ULK4: variants seen among roughly 807,000 people sequenced by gnomAD.
ULK4 encodes the protein inactive serine/threonine-protein kinase ULK4.
A neutral mutation model predicts 160.6 loss-of-function variants in ULK4; 133 were observed. The ratio of observed to expected loss-of-function variants is 0.83; its 90% CI spans 0.72 to 0.96. ULK4 has a LOEUF of 0.96. Ranked by LOEUF, ULK4 falls within the 40% of genes least tolerant of loss-of-function variation. The pLI, the probability that ULK4 is intolerant of heterozygous loss-of-function variation, is 0.00. For missense variants in ULK4, 1,580 were observed against 1,499.5 expected (o/e 1.05, Z -0.89); for synonymous variants, 534 against 539.8 (o/e 0.99, Z 0.15).
In ULK4 at chr3:41,686,980, G is replaced by C. The variant is rs536195999; in HGVS notation, c.2782-5176C>G. On this transcript the variant is annotated intron_variant, in intron 27 of 36. Coordinates refer to ENST00000301831, the MANE Select transcript of ULK4 (RefSeq NM_017886.4). Reference sequence around the variant, plus strand: ...TGCCTATAATCCCAGCACTTTGGGAGTGTGAGGTGGGAGGATAGCTTGAGC... The same window carrying C: ...TGCCTATAATCCCAGCACTTTGGGACTGTGAGGTGGGAGGATAGCTTGAGC... Among the ~76,000 whole-genome samples the C allele has an allele frequency of 4.6e-5, 7 of 152,290 alleles. No individual in the cohort carries two copies. The South Asian group carries it at 6.2e-4, about 14-fold the overall frequency.
chr3:41,545,671 A>T (rs149753705), intron 32 of ULK4, among the ~76,000 whole-genome samples: 1 of 152,268 alleles, frequency 6.6e-6, no homozygotes, highest in East Asian at 1.9e-4. Flanking sequence ...AATATGCTTT[A>T]CCAAATTTGT....
intron 22 of ULK4, among the ~76,000 whole-genome samples, chr3:41,720,209 A>G (rs745699621): frequency 6.6e-6 from 1 of 152,188 alleles, no homozygotes; most frequent in Non-Finnish European, 1.5e-5. Context: ...GATTCTTCTC[A>G]CCACACCCTT....
chr3:41,859,076 C>A (rs1190097375), intron 17 of ULK4, among the ~76,000 whole-genome samples: 1 of 152,136 alleles, frequency 6.6e-6, no homozygotes, highest in African/African-American at 2.4e-5. Flanking sequence ...CAGAAGAAGA[C>A]AATCTTCTAT....
At chr3:41,687,478 T>C (rs1316014116) in intron 27 of ULK4, among the ~76,000 whole-genome samples, 1 of 152,248 alleles carries the variant, frequency 6.6e-6, no homozygotes, top group Non-Finnish European at 1.5e-5. Context: ...GCTTCCAAGA[T>C]ACAAAGATCT....
intron 32 of ULK4, among the ~76,000 whole-genome samples, chr3:41,522,785 G>C (rs1436384455): frequency 6.6e-6 from 1 of 152,190 alleles, no homozygotes; most frequent in African/African-American, 2.4e-5. Context: ...GATTTTCATT[G>C]TGTTCCAAAG....
chr3:41,911,441 G>A, intron 10 of ULK4, 55 bp from the exon 11 acceptor site: 1 of 1,596,274 alleles, frequency 6.3e-7, no homozygotes, highest in Non-Finnish European at 8.6e-7. Flanking sequence ...TCATATGCAA[G>A]GCATAACGTA....
At position 41,677,776 on chromosome 3, in the gene ULK4, C is replaced by T. The variant is rs1341439447; in HGVS notation, c.2978+3732G>A. On this transcript the variant is annotated intron_variant, in intron 29 of 36. Transcript: ENST00000301831. The stretch of plus-strand genomic sequence containing the variant: ...ATGGTTAACTTTATTTATCAAGTTA[C>T]TCAATAAGTAGGGTACCCAGGCATT... 2.0e-5 allele frequency among the ~76,000 whole-genome samples: 3 copies of T among 152,170 alleles called. No homozygotes were observed. In the South Asian group the frequency reaches 6.2e-4, roughly 32 times the overall value.
intron 2 of ULK4, among the ~76,000 whole-genome samples, chr3:41,951,568 T>C (rs1700297492): frequency 6.6e-6 from 1 of 152,168 alleles, no homozygotes; most frequent in Admixed American, 6.5e-5. Flanking sequence ...TGACTTCCAA[T>C]AAGTATTCCA....
chr3:41,473,336 G>T (rs183841260), intron 32 of ULK4, among the ~76,000 whole-genome samples: 1 of 151,964 alleles, frequency 6.6e-6, no homozygotes, highest in Non-Finnish European at 1.5e-5. Context: ...TGTGGAAAAC[G>T]CTAAAGATTC....
At chr3:41,558,805 A>C (rs2087418248) in intron 32 of ULK4, among the ~76,000 whole-genome samples, 2 of 151,964 alleles carry the variant, frequency 1.3e-5, no homozygotes, top group African/African-American at 4.8e-5. Flanking sequence ...AATTTTATTC[A>C]GTGACAGATT....
At chr3:41,322,759 AT>A (rs1408535520) in intron 35 of ULK4, among the ~76,000 whole-genome samples, 1 of 152,212 alleles carries the variant, frequency 6.6e-6, no homozygotes, top group Non-Finnish European at 1.5e-5. Context: ...TGTATCCAAT[AT>A]TTTTACTTCG....
chr3:41,860,562 A>T (rs2042476688), intron 17 of ULK4, among the ~76,000 whole-genome samples: 2 of 152,078 alleles, frequency 1.3e-5, no homozygotes, highest in South Asian at 4.1e-4. Flanking sequence ...TTTGGTTTCC[A>T]CTGGCATGGA....
chr3:41,557,749 AAG>A (rs1212362885), intron 32 of ULK4, among the ~76,000 whole-genome samples: 3 of 152,046 alleles, frequency 2.0e-5, no homozygotes. Context: ...TGGGTAACAC[AAG>A]GAGACTCTGT....
At chr3:41,622,387 T>A (rs1478589350) in intron 30 of ULK4, among the ~76,000 whole-genome samples, 2 of 152,184 alleles carry the variant, frequency 1.3e-5, no homozygotes, top group Non-Finnish European at 2.9e-5. Flanking sequence ...AAAGAAAATG[T>A]GGCTCATATA....
At chr3:41,464,884 A>G (rs1357075381) in intron 32 of ULK4, among the ~76,000 whole-genome samples, 5 of 152,182 alleles carry the variant, frequency 3.3e-5, no homozygotes, top group Non-Finnish European at 7.3e-5. Flanking sequence ...GTGGGCATCA[A>G]TGTTCTTCTT....
intron 30 of ULK4, among the ~76,000 whole-genome samples, chr3:41,630,173 C>A (rs769444365): frequency 2.0e-5 from 3 of 152,178 alleles, no homozygotes; most frequent in African/African-American, 4.8e-5. Flanking sequence ...CTCCAATGTC[C>A]TACAGGTCAG....
intron 35 of ULK4, among the ~76,000 whole-genome samples, chr3:41,366,704 T>C (rs1313645674): frequency 6.6e-6 from 1 of 152,192 alleles, no homozygotes; most frequent in East Asian, 1.9e-4. Flanking sequence ...GATATACACA[T>C]GAATATACAC....
chr3:41,773,481 A>C (rs1049097876), intron 21 of ULK4, among the ~76,000 whole-genome samples: 2 of 152,222 alleles, frequency 1.3e-5, no homozygotes, highest in Non-Finnish European at 2.9e-5. Context: ...ATTGCTTCAA[A>C]GAGAATAAAA....
intron 18 of ULK4, among the ~76,000 whole-genome samples, chr3:41,827,983 C>G (rs56377114): frequency 0.26 from 38,678 of 151,176 alleles, 6,087 homozygotes; most frequent in African/African-American, 0.45. Context: ...TGGGATGCAA[C>G]GCTGGTTCAA....
Sources: allele counts gnomAD v4.1 joint callset (sites outside exome capture counted in the v4.1 genomes callset), GRCh38; gene constraint gnomAD v4.1.1; transcripts MANE v1.5; gene names NCBI Gene and HGNC (gene_info 2026-07-23, HGNC 2026-07-21).